NHSL1: variants seen among roughly 807,000 people sequenced by gnomAD.
The protein encoded by NHSL1 is NHS like 1.
NHSL1 carries 48 observed loss-of-function variants against 95.0 expected under a neutral mutation model. The ratio of observed to expected loss-of-function variants is 0.51; its 90% CI spans 0.40 to 0.64. The LOEUF (loss-of-function observed/expected upper bound fraction) is 0.64. Ranked by LOEUF, NHSL1 falls within the 30% of genes least tolerant of loss-of-function variation. The pLI, the probability that NHSL1 is intolerant of heterozygous loss-of-function variation, is 0.00. For synonymous variants in NHSL1, 783 were observed against 833.9 expected (o/e 0.94, Z 1.05); for missense variants, 1,971 against 2,077.7 (o/e 0.95, Z 1.00).
intron 1 of NHSL1, among the ~76,000 whole-genome samples, chr6:138,522,464 A>AACATGGTC (rs1376761781): frequency 6.6e-6 from 1 of 152,204 alleles, no homozygotes; most frequent in East Asian, 1.9e-4. Flanking sequence ...CAACATGGTG[A>AACATGGTC]AACCCCATCT....
Position 138,437,274 on chromosome 6 carries a change from C to CA in NHSL1, c.665-3595dup, listed in dbSNP as rs1202748920. ...GGGCAACAAGAGTGAAACTCTGTCTCAAAAAAAAAAAATACACAAATGTAT... is the reference window on the plus strand; with the variant it reads ...GGGCAACAAGAGTGAAACTCTGTCTCAAAAAAAAAAAAATACACAAATGTAT... On this transcript the variant is annotated intron_variant, in intron 5 of 7. Transcript: ENST00000343505. 8.6e-4 allele frequency among the ~76,000 whole-genome samples: 96 copies of CA among 111,226 alleles called. 1 individual carries two copies. Among genetic ancestry groups the CA allele is most frequent in the East Asian group, 2.7e-3 (11 of 4,112 alleles). 73.0% of individuals were successfully genotyped at this position (111,226 alleles called of 152,430 possible).
At chr6:138,614,613 GACA>G (rs1424298206) in intron 1 of NHSL1, among the ~76,000 whole-genome samples, 1 of 152,154 alleles carries the variant, frequency 6.6e-6, no homozygotes, top group African/African-American at 2.4e-5. Context: ...AGGAAACTGA[GACA>G]CAGTGAATTT....
At chr6:138,438,766 CAA>C (rs1331116043) in intron 5 of NHSL1, among the ~76,000 whole-genome samples, 1 of 151,952 alleles carries the variant, frequency 6.6e-6, no homozygotes, top group African/African-American at 2.4e-5. Flanking sequence ...AAAGTCTTGT[CAA>C]GTAGATAGTT....
chr6:138,481,880 G>A (rs1218907542), intron 2 of NHSL1, among the ~76,000 whole-genome samples: 1 of 152,150 alleles, frequency 6.6e-6, no homozygotes, highest in African/African-American at 2.4e-5. Context: ...TATCACTTCA[G>A]TGACACTTAG....
Position 138,692,235 on chromosome 6 carries a change from C to T in NHSL1, c.96+241G>A. On this transcript the variant is annotated intron_variant, in intron 1 of 3. Coordinates refer to the NHSL1 transcript ENST00000491526. This position sits in a 1 kb window ranked among gnomAD's most constrained non-coding sequence, Gnocchi z 4.0. ...GACAAGGGGACTGTCCAATTCCCAC[C>T]CTCCGCGCCCACTCTCTCGAGGTAG... 2.2e-6 allele frequency: 1 copy of T among 454,652 alleles called. No homozygotes were observed. The highest frequency in any genetic ancestry group is 1.6e-5 in the South Asian group (1 of 64,444). The allele number at this position is 454,652 out of a possible 1,614,324, so 28.2% of individuals were successfully genotyped here.
chr6:138,660,476 T>C (rs1318120882), intron 1 of NHSL1, among the ~76,000 whole-genome samples: 1 of 151,998 alleles, frequency 6.6e-6, no homozygotes, highest in African/African-American at 2.4e-5. Flanking sequence ...CAATATTTAT[T>C]CCATCCCCTA....
intron 1 of NHSL1, among the ~76,000 whole-genome samples, chr6:138,618,514 G>A (rs1188144219): frequency 6.6e-6 from 1 of 152,120 alleles, no homozygotes. Context: ...TAGCTGTTTA[G>A]GTCATTGCAG....
At chr6:138,613,945 G>C (rs895990201) in intron 1 of NHSL1, among the ~76,000 whole-genome samples, 3 of 152,116 alleles carry the variant, frequency 2.0e-5, no homozygotes, top group Non-Finnish European at 4.4e-5. Flanking sequence ...TATCTCTAGG[G>C]ACAGCCACAT....
chr6:138,464,715 C>CTTTTTT (rs1157342436), intron 3 of NHSL1, among the ~76,000 whole-genome samples: 14,203 of 118,266 alleles, frequency 0.12, 1,273 homozygotes, highest in African/African-American at 0.15. Context: ...TTTTTCTTTT[C>CTTTTTT]TTTTTTTTTT....
At chr6:138,629,557 A>G (rs886462475) in intron 1 of NHSL1, among the ~76,000 whole-genome samples, 2 of 151,984 alleles carry the variant, frequency 1.3e-5, no homozygotes, top group African/African-American at 4.8e-5. Flanking sequence ...TAATTTTTGT[A>G]TTTTTAATAG....
intron 1 of NHSL1, among the ~76,000 whole-genome samples, chr6:138,675,941 T>C (rs1193798235): frequency 1.3e-5 from 2 of 152,190 alleles, no homozygotes; most frequent in African/African-American, 2.4e-5. Context: ...GCTTTGGAAA[T>C]ATGGTTTTTA....
At position 138,625,250 on chromosome 6, in the gene NHSL1, C is replaced by T. The variant is rs528969103; in HGVS notation, c.96+67226G>A. Among the ~76,000 whole-genome samples, 9 of 152,188 alleles carry T rather than the reference C, an allele frequency of 5.9e-5. No homozygotes were observed. The South Asian group carries it at 1.9e-3, about 32-fold the overall frequency. ...CTCCGCCTCCCAGGTTCAAGCGGTT[C>T]TCGTGCCTCAGCCTCCTGAGTAGCT... On this transcript the variant is annotated intron_variant, in intron 1 of 3. Coordinates refer to the NHSL1 transcript ENST00000491526.
intron 1 of NHSL1, among the ~76,000 whole-genome samples, chr6:138,689,150 T>C (rs1785626497): frequency 6.6e-6 from 1 of 152,218 alleles, no homozygotes; most frequent in Non-Finnish European, 1.5e-5. Context: ...TAAGTATTAA[T>C]TCAATTCAAA....
chr6:138,534,144 T>C (rs1316838469), intron 1 of NHSL1, among the ~76,000 whole-genome samples: 1 of 152,236 alleles, frequency 6.6e-6, no homozygotes, highest in Non-Finnish European at 1.5e-5. Flanking sequence ...TCTACTTTTA[T>C]ATTTTAAGCT....
rs10559023 is a variant in NHSL1, at chr6:138,505,652, CAAAAAAAA to C, written c.17-9289_17-9282del. On this transcript the variant is annotated intron_variant, in intron 1 of 4. Transcript: ENST00000342260. ...TGGGCGACAGAGCTAGACTCCATTT[CAAAAAAAA>C]AAAAAAAAAAAAAGAATATGAAATA... Among the ~76,000 whole-genome samples, 403 of 87,708 alleles carry C rather than the reference CAAAAAAAA, an allele frequency of 4.6e-3. 2 individuals are homozygous for C. Among genetic ancestry groups the C allele is most frequent in the African/African-American group, 0.015 (349 of 23,138 alleles). The allele number at this position is 87,708 out of a possible 152,430, so 57.5% of individuals were successfully genotyped here.
chr6:138,691,507 G>A (rs1785669115), intron 1 of NHSL1, among the ~76,000 whole-genome samples: 1 of 152,140 alleles, frequency 6.6e-6, no homozygotes, highest in Non-Finnish European at 1.5e-5. Context: ...GTGATTCTAG[G>A]AGAAAAAACT....
intron 1 of NHSL1, among the ~76,000 whole-genome samples, chr6:138,615,725 C>A (rs1262305483): frequency 1.3e-5 from 2 of 152,272 alleles, no homozygotes; most frequent in Admixed American, 6.5e-5. Context: ...CCTGCCTTGG[C>A]CTCCCAAAGT....
chr6:138,603,365 T>C (rs933309922), intron 1 of NHSL1, among the ~76,000 whole-genome samples: 1 of 152,118 alleles, frequency 6.6e-6, no homozygotes, highest in Non-Finnish European at 1.5e-5. Context: ...TCTGAGCATT[T>C]TAAAAACACC....
intron 1 of NHSL1, chr6:138,650,424 C>T (rs1407174151): frequency 1.4e-6 from 2 of 1,420,274 alleles, no homozygotes; most frequent in Non-Finnish European, 2.0e-6. Flanking sequence ...GGTCAGCATG[C>T]TCACTGCAAT....
Sources: gnomAD v4.1 joint callset for allele counts (sites outside exome capture counted in the v4.1 genomes callset) on GRCh38, gnomAD v4.1.1 for gene constraint, Gnocchi (gnomAD v3.1) non-coding constraint, MANE v1.5 for transcripts, NCBI Gene and HGNC (gene_info 2026-07-23, HGNC 2026-07-21) for gene names.